Variants in RSPO3 observed in about 807,000 individuals in gnomAD.
The protein encoded by RSPO3 is R-spondin-3.
In RSPO3, 17 loss-of-function variants were observed where a neutral mutation model predicts 36.5. The observed-to-expected ratio is 0.47, with a 90% CI of 0.32 to 0.70. The LOEUF is 0.70. Among genes scored for constraint, RSPO3 ranks in the 30% least tolerant of loss-of-function variants. RSPO3 has a pLI of 0.04. For missense variants in RSPO3, 294 were observed against 322.5 expected, an observed-to-expected ratio of 0.91 and a Z score of 0.68; for synonymous variants, 108 against 107.0, an observed-to-expected ratio of 1.01 and a Z score of -0.06.
At chr6:127,145,361 T>C (rs1283447426) in intron 1 of RSPO3, among the ~76,000 whole-genome samples, 1 of 152,166 alleles carries the variant, frequency 6.6e-6, no homozygotes, top group Admixed American at 6.5e-5. Flanking sequence ...ATTCTTCTCC[T>C]AGTTTGCATG....
rs577132727 is a variant in RSPO3, at chr6:127,155,710, T to C, written c.634+272T>C. Among the ~76,000 whole-genome samples, 18 of 152,232 alleles carry C rather than the reference T, an allele frequency of 1.2e-4. No homozygotes were observed. In the South Asian group the frequency reaches 3.5e-3, roughly 30 times the overall value. On this transcript the variant is annotated intron_variant, in intron 4 of 4. Transcript: ENST00000356698. ...AGCATTCAGGGCATTATCTGTACTA[T>C]AATCTGCTTTGCTAGTACTTAGAAA...
At chr6:127,139,776 C>T (rs965575781) in intron 1 of RSPO3, among the ~76,000 whole-genome samples, 16 of 152,118 alleles carry the variant, frequency 1.1e-4, no homozygotes, top group Non-Finnish European at 1.9e-4. Flanking sequence ...CCTCATCCAC[C>T]CCCTCTTGTC....
At chr6:127,150,756 T>C (rs1421028094) in intron 3 of RSPO3, among the ~76,000 whole-genome samples, 184 bp downstream of exon 3, 1 of 150,340 alleles carries the variant, frequency 6.7e-6, no homozygotes, top group African/African-American at 2.5e-5. Context: ...TAGTATGTAT[T>C]ATGGTACAAT....
chr6:127,168,206 T>G (rs1348417813), intron 4 of RSPO3, among the ~76,000 whole-genome samples: 3 of 152,178 alleles, frequency 2.0e-5, no homozygotes, highest in Non-Finnish European at 2.9e-5. Context: ...TGAACTAGTT[T>G]ACAGTCCCAC....
intron 4 of RSPO3, among the ~76,000 whole-genome samples, chr6:127,183,434 TATA>T (rs1469092712): frequency 6.6e-6 from 1 of 151,970 alleles, no homozygotes; most frequent in African/African-American, 2.4e-5. Context: ...CTGAGTACTC[TATA>T]ATAAGTGGGA....
chr6:127,195,998 T>G lies in RSPO3; in HGVS notation c.810T>G (p.Thr270=), dbSNP rs1191471275. 6.2e-7 allele frequency: 1 copy of G among 1,607,880 alleles called. No individual in the cohort carries two copies. Among genetic ancestry groups the G allele is most frequent in the African/African-American group, 1.3e-5 (1 of 74,830 alleles). ...AACAGAAATCGGTATCAGTCAGCAC[T>G]GTACACTAGAGGGTTCCATGAGATT... ...QDKQKSVSVS[T]VH Residue 270 remains threonine, a synonymous_variant, in exon 5 of 5, where the codon ACT becomes ACG. Transcript: ENST00000356698.
intron 4 of RSPO3, among the ~76,000 whole-genome samples, chr6:127,162,579 G>A (rs569828029): frequency 6.6e-6 from 1 of 152,174 alleles, no homozygotes; most frequent in Admixed American, 6.5e-5. Flanking sequence ...ACCTTCATAC[G>A]CTCAACAAAT....
intron 1 of RSPO3, among the ~76,000 whole-genome samples, chr6:127,135,469 C>T (rs1027811163): frequency 1.3e-5 from 2 of 150,334 alleles, no homozygotes; most frequent in Non-Finnish European, 3.0e-5. Context: ...TAAAAGATCC[C>T]TCTGATTGGT....
intron 1 of RSPO3, among the ~76,000 whole-genome samples, chr6:127,125,548 T>G (rs1773923554): frequency 6.6e-6 from 1 of 152,158 alleles, no homozygotes; most frequent in South Asian, 2.1e-4. Context: ...AATCTTTTGG[T>G]ATGAGAATAT....
At chr6:127,125,433 C>T (rs1454341833) in intron 1 of RSPO3, among the ~76,000 whole-genome samples, 1 of 152,130 alleles carries the variant, frequency 6.6e-6, no homozygotes, top group African/African-American at 2.4e-5. Context: ...CCTGAATAAC[C>T]CAAGAAAGTC....
At chr6:127,121,389 G>C (rs569483234) in intron 1 of RSPO3, among the ~76,000 whole-genome samples, 1 of 152,146 alleles carries the variant, frequency 6.6e-6, no homozygotes, top group African/African-American at 2.4e-5. Flanking sequence ...ATCATCTCAA[G>C]GCCAAGTCAA....
At chr6:127,157,364 G>A (rs1366907341) in intron 4 of RSPO3, among the ~76,000 whole-genome samples, 1 of 151,928 alleles carries the variant, frequency 6.6e-6, no homozygotes, top group African/African-American at 2.4e-5. Flanking sequence ...ATTAAATCAC[G>A]ATTCTAATTA....
In RSPO3 at chr6:127,195,809, T is replaced by C. The variant is rs1255367869; in HGVS notation, c.635-14T>C. On this transcript the variant is annotated splice_polypyrimidine_tract_variant and intron_variant, in intron 4 of 4. Coordinates refer to ENST00000356698, the MANE Select transcript of RSPO3 (RefSeq NM_032784.5). ...ATTGAATGTAATTTTTAAAAGAGTATCCTTTCATTTCAGGAAAAAAAGGAA... is the reference window on the plus strand; with the variant it reads ...ATTGAATGTAATTTTTAAAAGAGTACCCTTTCATTTCAGGAAAAAAAGGAA... 1 of 1,468,500 alleles carries C rather than the reference T, an allele frequency of 6.8e-7. No homozygotes were observed. Among genetic ancestry groups the C allele is most frequent in the Non-Finnish European group, 9.1e-7 (1 of 1,101,306 alleles). 91.0% of individuals were successfully genotyped at this position (1,468,500 alleles called of 1,614,324 possible).
Position 127,196,011 on chromosome 6 carries a change from G to A in RSPO3, c.*4G>A, listed in dbSNP as rs1170560450. On this transcript the variant is annotated 3_prime_UTR_variant, in exon 5 of 5. Coordinates refer to ENST00000356698, the MANE Select transcript of RSPO3 (RefSeq NM_032784.5). The stretch of plus-strand genomic sequence containing the variant: ...ATCAGTCAGCACTGTACACTAGAGG[G>A]TTCCATGAGATTATTGTAGACTCAT... The A allele has an allele frequency of 6.3e-7, 1 of 1,596,838 alleles. No homozygotes were observed. Among genetic ancestry groups the A allele is most frequent in the South Asian group, 1.1e-5 (1 of 87,426 alleles).
intron 1 of RSPO3, among the ~76,000 whole-genome samples, chr6:127,120,806 A>G (rs1773828456): frequency 6.6e-6 from 1 of 152,226 alleles, no homozygotes; most frequent in Non-Finnish European, 1.5e-5. Context: ...GGAGAGCCCA[A>G]ACTAAATATG....
At chr6:127,193,599 C>T (rs1233986189) in intron 4 of RSPO3, among the ~76,000 whole-genome samples, 1 of 152,116 alleles carries the variant, frequency 6.6e-6, no homozygotes, top group Non-Finnish European at 1.5e-5. Context: ...TTATGTAATC[C>T]AACCTTTGCA....
intron 4 of RSPO3, among the ~76,000 whole-genome samples, chr6:127,168,731 G>A (rs1378578805): frequency 6.6e-6 from 1 of 151,942 alleles, no homozygotes; most frequent in Admixed American, 6.6e-5. Context: ...TATGGTTTTA[G>A]GTCTGACATT....
rs1286277715 is a variant in RSPO3 at position 127,197,479 on chromosome 6, G to A, written c.*1472G>A. On this transcript the variant is annotated 3_prime_UTR_variant, in exon 5 of 5. Coordinates refer to ENST00000356698, the MANE Select transcript of RSPO3 (RefSeq NM_032784.5). ...TCACCAGTGTTTCACAGAGGACACA[G>A]CCCACCCCTTGCAGGAGGAGGTATC... is the stretch of plus-strand genomic sequence containing the variant. The A allele has an allele frequency of 1.9e-6, 3 of 1,550,624 alleles. 1 individual carries two copies. Among genetic ancestry groups the A allele is most frequent in the South Asian group, 2.4e-5 (2 of 84,062 alleles).
At chr6:127,187,623 C>T (rs976962182) in intron 4 of RSPO3, among the ~76,000 whole-genome samples, 1 of 152,088 alleles carries the variant, frequency 6.6e-6, no homozygotes, top group South Asian at 2.1e-4. Context: ...AAATTGTCTA[C>T]ATGTAAGTCA....
Sources: gnomAD v4.1 joint callset for allele counts (sites outside exome capture counted in the v4.1 genomes callset) on GRCh38, gnomAD v4.1.1 for gene constraint, MANE v1.5 for transcripts, NCBI Gene and HGNC (gene_info 2026-07-23, HGNC 2026-07-21) for gene names.